Variants in DYNC1I1 observed in about 807,000 individuals in gnomAD.
The protein encoded by DYNC1I1 is cytoplasmic dynein 1 intermediate chain 1.
In DYNC1I1, 43 loss-of-function variants were observed where a neutral mutation model predicts 86.6. The ratio of observed to expected loss-of-function variants is 0.50; its 90% CI spans 0.39 to 0.64. DYNC1I1 has a LOEUF of 0.64. DYNC1I1 is among the 30% of genes least tolerant of loss of function. The pLI is 0.00. For missense variants in DYNC1I1, 604 were observed against 788.8 expected (o/e 0.77, Z 2.81); for synonymous variants, 262 against 283.7 (o/e 0.92, Z 0.77).
intron 6 of DYNC1I1, among the ~76,000 whole-genome samples, chr7:95,967,448 C>A (rs1793045295): frequency 6.6e-6 from 1 of 152,112 alleles, no homozygotes; most frequent in Non-Finnish European, 1.5e-5. Flanking sequence ...TGCACTCTTA[C>A]CCTTGTGCTT....
chr7:95,795,190 G>A (rs1794404541), intron 1 of DYNC1I1, among the ~76,000 whole-genome samples: 1 of 151,812 alleles, frequency 6.6e-6, no homozygotes, highest in Non-Finnish European at 1.5e-5. Flanking sequence ...ACGGCTTTTT[G>A]TTTAAGAGCT....
intron 6 of DYNC1I1, 150 bp from the exon 7 acceptor site, chr7:95,977,362 A>G (rs1276588788): frequency 1.7e-6 from 1 of 582,920 alleles, no homozygotes. Flanking sequence ...ATTCATGAAC[A>G]TTTATCTTGG....
chr7:95,798,472 A>G (rs1264447177), intron 1 of DYNC1I1, among the ~76,000 whole-genome samples: 3 of 152,042 alleles, frequency 2.0e-5, no homozygotes, highest in Non-Finnish European at 4.4e-5. Context: ...TGAAAGATCA[A>G]ATTTCTTACA....
At chr7:95,939,473 GGGTGCTCCT>G (rs1318616409) in intron 6 of DYNC1I1, among the ~76,000 whole-genome samples, 4 of 151,982 alleles carry the variant, frequency 2.6e-5, no homozygotes, top group Admixed American at 6.6e-5. Flanking sequence ...TTATCAATCT[GGGTGCTCCT>G]GTATTGGGTG....
intron 6 of DYNC1I1, among the ~76,000 whole-genome samples, chr7:95,918,236 T>A (rs1451766332): frequency 1.3e-5 from 2 of 152,104 alleles, no homozygotes; most frequent in East Asian, 3.9e-4. Context: ...AATAAGGAAG[T>A]CAGGCTTTCT....
At chr7:95,918,919 C>G (rs1323861309) in intron 6 of DYNC1I1, among the ~76,000 whole-genome samples, 1 of 152,160 alleles carries the variant, frequency 6.6e-6, no homozygotes, top group African/African-American at 2.4e-5. Flanking sequence ...TGTATCAGAA[C>G]TTAAATCTTG....
rs574582143 is a variant in DYNC1I1 at position 95,894,681 on chromosome 7, A to C, written c.490+24683A>C. ...AAATAGGAACCATTACAATCAACAC[A>C]TTTTTGCCAACTGGAAATAAGTTTG... is the stretch of plus-strand genomic sequence containing the variant. On this transcript the variant is annotated intron_variant, in intron 6 of 16. Transcript: ENST00000447467. 1.1e-4 allele frequency among the ~76,000 whole-genome samples: 17 copies of C among 152,306 alleles called. 1 individual carries two copies. The highest frequency in any genetic ancestry group is 3.8e-4 in the African/African-American group (16 of 41,564).
At chr7:95,901,409 T>C (rs1281510406) in intron 6 of DYNC1I1, among the ~76,000 whole-genome samples, 2 of 152,214 alleles carry the variant, frequency 1.3e-5, no homozygotes, top group Non-Finnish European at 2.9e-5. Context: ...ACCTTTACTT[T>C]TTAAGAATAA....
In DYNC1I1 at chr7:95,785,158, C is replaced by T. The variant is rs577323087; in HGVS notation, c.-10+12385C>T. 1.5e-4 allele frequency among the ~76,000 whole-genome samples: 23 copies of T among 152,276 alleles called. No individual in the cohort carries two copies. In the East Asian group the frequency reaches 3.9e-3, roughly 26 times the overall value. Reference sequence around the variant, plus strand: ...AAATAAGAGGTCTGGAGCAGTGGCTCATGCCTGTAATCCCAGGCTGAGGCA... The same window carrying T: ...AAATAAGAGGTCTGGAGCAGTGGCTTATGCCTGTAATCCCAGGCTGAGGCA... On this transcript the variant is annotated intron_variant, in intron 1 of 16. Coordinates refer to ENST00000447467, the MANE Select transcript of DYNC1I1 (RefSeq NM_001135556.2).
intron 8 of DYNC1I1, among the ~76,000 whole-genome samples, chr7:95,985,638 T>C (rs561712697): frequency 7.6e-4 from 115 of 152,156 alleles, no homozygotes; most frequent in Non-Finnish European, 1.6e-3. Flanking sequence ...TAAACATAAA[T>C]ATAGCTGTTC....
intron 5 of DYNC1I1, among the ~76,000 whole-genome samples, chr7:95,865,706 G>A (rs1172801730): frequency 2.6e-5 from 4 of 152,132 alleles, no homozygotes; most frequent in African/African-American, 7.2e-5. Context: ...CAACCATTGT[G>A]CTACAACTGC....
chr7:96,021,305 G>A (rs1794543901), intron 10 of DYNC1I1, among the ~76,000 whole-genome samples: 1 of 152,092 alleles, frequency 6.6e-6, no homozygotes, highest in African/African-American at 2.4e-5. Flanking sequence ...CAGTTCTTGG[G>A]ACTCTGGGTC....
At chr7:95,932,760 T>C (rs773167444) in intron 6 of DYNC1I1, among the ~76,000 whole-genome samples, 24 of 152,190 alleles carry the variant, frequency 1.6e-4, no homozygotes, top group Non-Finnish European at 2.8e-4. Flanking sequence ...CCACTGACAC[T>C]AGAACCAGGG....
In DYNC1I1 at chr7:95,869,825, T is replaced by A. The variant is rs916159604; in HGVS notation, c.375-58T>A. 4.0e-6 allele frequency: 6 copies of A among 1,493,490 alleles called. No homozygotes were observed. The African/African-American group carries it at 8.3e-5, about 21-fold the overall frequency. 92.5% of individuals were successfully genotyped at this position (1,493,490 alleles called of 1,614,324 possible). A position where few individuals can be genotyped will look rare whatever the true frequency, so the allele number is the denominator to read the frequency against. On this transcript the variant is annotated intron_variant, in intron 5 of 16. Transcript: ENST00000447467. ...TTTTAGTGCTTTCTTTTATTACTGA[T>A]AGCTCTTCTGCAAGGAATGCCTCCC...
At chr7:96,061,589 A>G (rs1210617395) in intron 14 of DYNC1I1, among the ~76,000 whole-genome samples, 1 of 151,214 alleles carries the variant, frequency 6.6e-6, no homozygotes, top group East Asian at 1.9e-4. Flanking sequence ...GAATCTCCGA[A>G]CCCTCCCACT....
chr7:96,021,529 T>C (rs775542973), intron 10 of DYNC1I1, among the ~76,000 whole-genome samples: 2 of 152,160 alleles, frequency 1.3e-5, no homozygotes, highest in Admixed American at 1.3e-4. Flanking sequence ...ATATTTTACA[T>C]GCCACAAATT....
At chr7:95,972,149 T>A (rs921294525) in intron 6 of DYNC1I1, among the ~76,000 whole-genome samples, 5 of 152,096 alleles carry the variant, frequency 3.3e-5, no homozygotes, top group African/African-American at 1.2e-4. Flanking sequence ...AGGCATCATC[T>A]CTGGTGGGAC....
At chr7:95,826,989 A>G (rs1440398967) in intron 4 of DYNC1I1, among the ~76,000 whole-genome samples, 1 of 152,198 alleles carries the variant, frequency 6.6e-6, no homozygotes, top group African/African-American at 2.4e-5. Flanking sequence ...AAGGGTGCCC[A>G]TGGATCACCT....
chr7:96,022,086 G>T (rs1049365619), intron 10 of DYNC1I1, among the ~76,000 whole-genome samples: 1 of 152,198 alleles, frequency 6.6e-6, no homozygotes, highest in Admixed American at 6.5e-5. Context: ...CTGCCAGACT[G>T]TTCTCCAGAG....
Sources: gnomAD v4.1 joint callset for allele counts (sites outside exome capture counted in the v4.1 genomes callset) on GRCh38, gnomAD v4.1.1 for gene constraint, MANE v1.5 for transcripts, NCBI Gene and HGNC (gene_info 2026-07-23, HGNC 2026-07-21) for gene names.